Variants in FOXO3 observed in about 807,000 individuals in gnomAD.
FOXO3 encodes forkhead box O3, also known as forkhead box protein O3.
In FOXO3, 4 loss-of-function variants were observed where a neutral mutation model predicts 41.9. That is an observed-to-expected ratio of 0.10 (90% CI 0.05 to 0.22). FOXO3 has a LOEUF of 0.22. FOXO3 is among the 10% of genes least tolerant of loss of function. The pLI is 1.00. For synonymous variants in FOXO3, 318 were observed against 389.3 expected, an observed-to-expected ratio of 0.82 and a Z score of 2.16; for missense variants, 534 against 906.8, an observed-to-expected ratio of 0.59 and a Z score of 5.28.
Position 108,666,723 on chromosome 6 carries a change from G to T in FOXO3, c.*34+1834G>T, listed in dbSNP as rs186527148. Among the ~76,000 whole-genome samples, 105 of 151,976 alleles carry T rather than the reference G, an allele frequency of 6.9e-4. 1 individual carries two copies. The highest frequency in any genetic ancestry group is 3.2e-4 in the Non-Finnish European group (22 of 68,000). On this transcript the variant is annotated intron_variant, in intron 2 of 2. Transcript: ENST00000406360. ...TAGCTGGTTAGAAAAAAAGCGGGGA[G>T]GGGAGGGAAGTGCCCTGAACTGGAG... is the stretch of plus-strand genomic sequence containing the variant.
chr6:108,576,742 T>A (rs1356426797), intron 1 of FOXO3, among the ~76,000 whole-genome samples: 1 of 152,248 alleles, frequency 6.6e-6, no homozygotes, highest in Non-Finnish European at 1.5e-5. Context: ...CCTGTTGATG[T>A]GAGCAGAGAT....
chr6:108,600,657 AT>A (rs2128366267), intron 1 of FOXO3, among the ~76,000 whole-genome samples: 1 of 151,792 alleles, frequency 6.6e-6, no homozygotes, highest in Non-Finnish European at 1.5e-5. Flanking sequence ...ATTATTGTTA[AT>A]TTTTTGTGTG....
chr6:108,569,987 G>GTTTTTTTTTTT (rs71015551), intron 1 of FOXO3, among the ~76,000 whole-genome samples: 762 of 73,240 alleles, frequency 0.01, 97 homozygotes, highest in Middle Eastern at 0.022. Context: ...CCCTTGCGTG[G>GTTTTTTTTTTT]TTTTTTTTTT....
rs1738024192 is a variant in FOXO3 at position 108,663,712 on chromosome 6, C to T, written c.879C>T (p.Gly293=). The change falls in exon 2 of 3, where the codon GGC becomes GGT. Residue 293 remains glycine, a synonymous_variant. Transcript: ENST00000406360. The stretch of plus-strand genomic sequence containing the variant: ...CCTCCCAGCTCTCCAAGTGGCCTGG[C>T]AGCCCCACGTCACGCAGCAGTGATG... ...DSPSQLSKWP[G]SPTSRSSDEL... is the part of the protein sequence containing the mutation. 1.2e-6 allele frequency: 2 copies of T among 1,613,340 alleles called. No homozygotes were observed. The highest frequency in any genetic ancestry group is 2.2e-5 in the South Asian group (2 of 91,016).
chr6:108,582,387 A>T (rs1478748202), intron 1 of FOXO3, among the ~76,000 whole-genome samples: 2 of 152,204 alleles, frequency 1.3e-5, no homozygotes, highest in Non-Finnish European at 2.9e-5. Flanking sequence ...ATCCAGTTGT[A>T]AGTTATATCC....
chr6:108,613,588 C>T (rs1465914893), intron 1 of FOXO3, among the ~76,000 whole-genome samples: 1 of 152,036 alleles, frequency 6.6e-6, no homozygotes, highest in East Asian at 1.9e-4. Context: ...ATTTTCATTC[C>T]TGATGTTGAT....
chr6:108,588,032 T>C (rs1776633138), intron 1 of FOXO3, among the ~76,000 whole-genome samples: 2 of 152,210 alleles, frequency 1.3e-5, no homozygotes, highest in African/African-American at 4.8e-5. Context: ...GGAACGTGCT[T>C]CCTAAGTGTA....
At position 108,658,506 on chromosome 6, in the gene FOXO3, A is replaced by C. The variant is rs144150117; in HGVS notation, c.622-4949A>C. On this transcript the variant is annotated intron_variant, in intron 1 of 2. Transcript: ENST00000406360. ...TATTTAATAAGTTGGGCTTTGTTTC[A>C]GAATCTAAGAGTAGTTAATATTGGG... Among the ~76,000 whole-genome samples, 203 of 152,300 alleles carry C rather than the reference A, an allele frequency of 1.3e-3. 2 individuals are homozygous for C. The highest frequency in any genetic ancestry group is 4.5e-3 in the African/African-American group (189 of 41,578).
At chr6:108,565,525 C>T (rs904230672) in intron 1 of FOXO3, among the ~76,000 whole-genome samples, 1 of 152,234 alleles carries the variant, frequency 6.6e-6, no homozygotes, top group Non-Finnish European at 1.5e-5. Flanking sequence ...TTTCGTTATA[C>T]ACAGCACACA....
intron 1 of FOXO3, among the ~76,000 whole-genome samples, chr6:108,653,674 T>C (rs10484255): frequency 0.048 from 7,375 of 152,306 alleles, 510 homozygotes; most frequent in African/African-American, 0.15. Context: ...GTCATGAAAG[T>C]GATGCTAAAT....
chr6:108,647,083 A>T (rs1399084635), intron 1 of FOXO3, among the ~76,000 whole-genome samples: 2 of 152,226 alleles, frequency 1.3e-5, no homozygotes, highest in Non-Finnish European at 2.9e-5. Context: ...ATGTCCAAGT[A>T]GTATTTAAAT....
At chr6:108,574,083 G>A (rs1257984703) in intron 1 of FOXO3, among the ~76,000 whole-genome samples, 1 of 151,786 alleles carries the variant, frequency 6.6e-6, no homozygotes, top group Non-Finnish European at 1.5e-5. Flanking sequence ...ACCTGGAGGG[G>A]CGGAGGTTGC....
chr6:108,592,115 G>T (rs1209133416), intron 1 of FOXO3, among the ~76,000 whole-genome samples: 1 of 152,202 alleles, frequency 6.6e-6, no homozygotes, highest in Non-Finnish European at 1.5e-5. Flanking sequence ...GATTGCCAGG[G>T]GTGATGGGGA....
rs553365563 is a variant in FOXO3, at chr6:108,645,412, C to T, written c.622-18043C>T. On this transcript the variant is annotated intron_variant, in intron 1 of 2. Transcript: ENST00000406360. ...ACCATATGTAAGCCTCTCTTCGAGC[C>T]TTCTTTCCCATGATTCATTTTTTTT... Among the ~76,000 whole-genome samples, 5 of 151,492 alleles carry T rather than the reference C, an allele frequency of 3.3e-5. 1 individual carries two copies. In the South Asian group the frequency reaches 1.0e-3, roughly 32 times the overall value.
intron 1 of FOXO3, among the ~76,000 whole-genome samples, chr6:108,645,422 A>G (rs1015595951): frequency 2.7e-5 from 4 of 150,054 alleles, no homozygotes; most frequent in African/African-American, 2.4e-5. Context: ...CTTCTTTCCC[A>G]TGATTCATTT....
Position 108,628,707 on chromosome 6 carries a change from A to G in FOXO3, c.622-34748A>G, listed in dbSNP as rs1319293884. On this transcript the variant is annotated intron_variant, in intron 1 of 2. Coordinates refer to ENST00000406360, the MANE Select transcript of FOXO3 (RefSeq NM_001455.4). The stretch of plus-strand genomic sequence containing the variant: ...GTTCTAAGCAAGTTCAGCAGTGTTG[A>G]AAGAATTTAAACCCACTCTGCAGCC... Among the ~76,000 whole-genome samples, 4 of 152,250 alleles carry G rather than the reference A, an allele frequency of 2.6e-5. 1 individual carries two copies. The East Asian group carries it at 7.7e-4, about 29-fold the overall frequency.
intron 1 of FOXO3, among the ~76,000 whole-genome samples, chr6:108,634,714 C>T (rs534723334): frequency 6.6e-6 from 1 of 152,116 alleles, no homozygotes; most frequent in African/African-American, 2.4e-5. Flanking sequence ...AATCTTAATA[C>T]AGATAAGATG....
At position 108,680,751 on chromosome 6, in the gene FOXO3, G is replaced by GAAAAAAAAAAAA. The variant is rs34312944; in HGVS notation, c.*962_*973dup. On this transcript the variant is annotated 3_prime_UTR_variant, in exon 3 of 3. Transcript: ENST00000406360. ...GTTTAGTTTTAAGGAGAAAGAAAAG[G>GAAAAAAAAAAAA]AAAAAAAAAAAAAACAAAAAAGTCC... 3 of 137,234 alleles carry GAAAAAAAAAAAA rather than the reference G, an allele frequency of 2.2e-5. No homozygotes were observed. The highest frequency in any genetic ancestry group is 3.1e-5 in the Non-Finnish European group (2 of 64,006). 8.5% of individuals were successfully genotyped at this position (137,234 alleles called of 1,614,324 possible).
chr6:108,659,415 A>G (rs1778782421), intron 1 of FOXO3, among the ~76,000 whole-genome samples: 1 of 152,196 alleles, frequency 6.6e-6, no homozygotes, highest in Non-Finnish European at 1.5e-5. Flanking sequence ...GGTTGTAGAA[A>G]AAGCAGTGCA....
Sources: allele counts gnomAD v4.1 joint callset (sites outside exome capture counted in the v4.1 genomes callset), GRCh38; gene constraint gnomAD v4.1.1; transcripts MANE v1.5; gene names NCBI Gene and HGNC (gene_info 2026-07-23, HGNC 2026-07-21).